ZSCAN4: variants seen among roughly 807,000 people sequenced by gnomAD.
The protein encoded by ZSCAN4 is zinc finger and SCAN domain-containing protein 4.
In ZSCAN4, 18 loss-of-function variants were observed where a neutral mutation model predicts 18.3. The ratio of observed to expected loss-of-function variants is 0.98; its 90% CI spans 0.68 to 1.46. The LOEUF is 1.46. ZSCAN4 is among the 40% of genes most tolerant of loss of function. ZSCAN4 has a pLI of 0.00. For missense variants in ZSCAN4, 498 were observed against 511.4 expected, an observed-to-expected ratio of 0.97 and a Z score of 0.25; for synonymous variants, 193 against 180.3, an observed-to-expected ratio of 1.07 and a Z score of -0.57.
the ZSCAN4 span, among the ~76,000 whole-genome samples, chr19:57,651,980 C>T: frequency 1.3e-5 from 2 of 152,152 alleles, no homozygotes; most frequent in Non-Finnish European, 2.9e-5. Context: ...GTAACCCTGA[C>T]CTGCCTTCTC....
intron 1 of ZSCAN4, among the ~76,000 whole-genome samples, chr19:57,669,755 C>G (rs138037579): frequency 5.3e-5 from 8 of 149,926 alleles, no homozygotes; most frequent in African/African-American, 2.0e-4. Flanking sequence ...GAGACTTGGT[C>G]TCCTTCCATT....
At chr19:57,662,823 G>A in the ZSCAN4 span, among the ~76,000 whole-genome samples, 1 of 152,164 alleles carries the variant, frequency 6.6e-6, no homozygotes, top group Non-Finnish European at 1.5e-5. Flanking sequence ...GCCTCCCAAA[G>A]TGTTGAGATT....
the ZSCAN4 span, among the ~76,000 whole-genome samples, chr19:57,653,390 G>GAAA: frequency 0.011 from 805 of 76,470 alleles, 23 homozygotes; most frequent in African/African-American, 0.029. Flanking sequence ...CCATCTCAAA[G>GAAA]AAAAAAAAAA....
At chr19:57,671,685 G>C (rs930675396) in intron 2 of ZSCAN4, among the ~76,000 whole-genome samples, 18 of 152,276 alleles carry the variant, frequency 1.2e-4, no homozygotes, top group African/African-American at 4.1e-4. Flanking sequence ...GATGTGAGCA[G>C]ATTAGCATTT....
chr19:57,656,458 C>T, the ZSCAN4 span, among the ~76,000 whole-genome samples: 1 of 152,216 alleles, frequency 6.6e-6, no homozygotes, highest in Non-Finnish European at 1.5e-5. Context: ...TACCACATAC[C>T]CCAGTTTTTA....
exon 5 of ZSCAN4, chr19:57,678,166 G>A (rs370726900): frequency 5.0e-6 from 8 of 1,612,556 alleles, no homozygotes; most frequent in Non-Finnish European, 6.8e-6. Context: ...ATTTTCACAG[G>A]ATATGAAGAT....
chr19:57,658,175 G>A, the ZSCAN4 span, among the ~76,000 whole-genome samples: 1 of 151,982 alleles, frequency 6.6e-6, no homozygotes, highest in Non-Finnish European at 1.5e-5. Flanking sequence ...GTCAAGGAGG[G>A]AAAAAAACAT....
At chr19:57,656,803 C>T in the ZSCAN4 span, among the ~76,000 whole-genome samples, 1 of 152,218 alleles carries the variant, frequency 6.6e-6, no homozygotes, top group South Asian at 2.1e-4. Flanking sequence ...GCCTGGGCAA[C>T]ATGGCAAAAC....
At chr19:57,666,126 A>G (rs867852482), upstream of ZSCAN4, among the ~76,000 whole-genome samples, 4 of 152,168 alleles carry the variant, frequency 2.6e-5, no homozygotes, top group East Asian at 1.9e-4. Flanking sequence ...AAAAGGAACC[A>G]TATCAGATCC....
the ZSCAN4 span, among the ~76,000 whole-genome samples, chr19:57,656,126 G>T: frequency 6.6e-6 from 1 of 152,134 alleles, no homozygotes; most frequent in Non-Finnish European, 1.5e-5. Flanking sequence ...ATGGCAAACT[G>T]ATACACAGGT....
intron 2 of ZSCAN4, 138 bp from the exon 3 acceptor site, chr19:57,675,903 G>A (rs1797619646): frequency 2.6e-6 from 1 of 392,156 alleles, no homozygotes; most frequent in African/African-American, 2.0e-5. Flanking sequence ...CCTCTTATAT[G>A]CTCTGGGAGA....
At chr19:57,678,888 A>G (rs1394006079) in exon 5 of ZSCAN4, 1 of 1,597,468 alleles carries the variant, frequency 6.3e-7, no homozygotes, top group East Asian at 2.2e-5. Flanking sequence ...TGTTCCCTCC[A>G]CACCAGAAGC....
chr19:57,675,877 A>G (rs886749019), intron 2 of ZSCAN4, among the ~76,000 whole-genome samples, 164 bp from the exon 3 acceptor site: 5 of 152,244 alleles, frequency 3.3e-5, no homozygotes, highest in Non-Finnish European at 7.3e-5. Flanking sequence ...CTCAGTAACT[A>G]AAGTGGGTAG....
chr19:57,655,326 G>T, the ZSCAN4 span, among the ~76,000 whole-genome samples: 27 of 152,264 alleles, frequency 1.8e-4, no homozygotes, highest in African/African-American at 5.5e-4. Context: ...ACTGAAAAAT[G>T]CCCTTTCAAT....
the ZSCAN4 span, among the ~76,000 whole-genome samples, chr19:57,660,886 C>T: frequency 2.0e-5 from 3 of 150,956 alleles, no homozygotes; most frequent in Non-Finnish European, 4.4e-5. Flanking sequence ...GTAGATTCCT[C>T]TTCTGTCTAC....
chr19:57,658,047 T>C, the ZSCAN4 span, among the ~76,000 whole-genome samples: 3 of 152,176 alleles, frequency 2.0e-5, no homozygotes, highest in Admixed American at 2.0e-4. Flanking sequence ...AGCCAACTGA[T>C]TTTGCGTGTT....
At chr19:57,676,259 G>T in exon 3 of ZSCAN4, 2 of 1,614,132 alleles carry the variant, frequency 1.2e-6, no homozygotes, top group South Asian at 2.2e-5. Context: ...GAGAAGAAGG[G>T]ATTTCTGAGT....
At chr19:57,670,217 T>A (rs1187604955) in intron 1 of ZSCAN4, 28 bp from the exon 2 acceptor site, 1 of 152,360 alleles carries the variant, frequency 6.6e-6, no homozygotes, top group East Asian at 1.9e-4. Context: ...GAAATATTAA[T>A]GTGTTTGTTT....
intron 2 of ZSCAN4, among the ~76,000 whole-genome samples, chr19:57,674,291 C>T (rs992969287): frequency 2.6e-5 from 4 of 152,120 alleles, no homozygotes; most frequent in African/African-American, 4.8e-5. Flanking sequence ...GAACATTGTA[C>T]CCAATGGGTA....
Sources: gnomAD v4.1 joint callset for allele counts (sites outside exome capture counted in the v4.1 genomes callset) on GRCh38, gnomAD v4.1.1 for gene constraint, MANE v1.5 for transcripts, NCBI Gene and HGNC (gene_info 2026-07-23, HGNC 2026-07-21) for gene names.